Variants in MERTK observed in about 807,000 individuals in gnomAD.
MERTK encodes tyrosine-protein kinase Mer.
MERTK carries 69 observed loss-of-function variants against 99.3 expected under a neutral mutation model. The ratio of observed to expected loss-of-function variants is 0.70; its 90% CI spans 0.57 to 0.85. The LOEUF (loss-of-function observed/expected upper bound fraction) is 0.85, where lower values mean the gene tolerates loss of function less well. Ranked by LOEUF, MERTK falls within the 40% of genes least tolerant of loss-of-function variation. MERTK has a pLI of 0.00. For missense variants in MERTK, 1,125 were observed against 1,249.4 expected (o/e 0.90, Z 1.50); for synonymous variants, 426 against 467.6 (o/e 0.91, Z 1.15).
rs115427711 is a variant in MERTK, at chr2:111,968,012, A to T, written c.845-125A>T. On this transcript the variant is annotated intron_variant, in intron 5 of 18. Transcript: ENST00000295408. ...GCATAGGGAGGCTCCTCTTGAAAAC[A>T]TGTTTCCCTTTACTAATCTCAAGGA... The T allele has an allele frequency of 6.4e-3, 4,724 of 742,948 alleles. 88 individuals are homozygous for T. The highest frequency in any genetic ancestry group is 0.038 in the Admixed American group (1,922 of 50,052). 46.0% of individuals were successfully genotyped at this position (742,948 alleles called of 1,614,324 possible). A position where few individuals can be genotyped will look rare whatever the true frequency, so the allele number is the denominator to read the frequency against.
chr2:112,022,557 T>C (rs1451724145), intron 18 of MERTK, 163 bp downstream of exon 18: 2 of 1,042,546 alleles, frequency 1.9e-6, no homozygotes, highest in South Asian at 1.3e-5. Context: ...CCAGGAGCCA[T>C]TCCTGATGTG....
chr2:112,003,253 T>C, intron 12 of MERTK, 66 bp downstream of exon 12: 1 of 772,356 alleles, frequency 1.3e-6, no homozygotes, highest in Non-Finnish European at 2.3e-6. Flanking sequence ...AATAATTCTT[T>C]AACATATATT....
At chr2:111,938,541 T>C (rs1684804560) in intron 2 of MERTK, among the ~76,000 whole-genome samples, 1 of 152,146 alleles carries the variant, frequency 6.6e-6, no homozygotes, top group South Asian at 2.1e-4. Flanking sequence ...AGACATGCTG[T>C]GTGTGTATAA....
chr2:111,940,024 T>C lies in MERTK; in HGVS notation c.483-4936T>C, dbSNP rs185704134. Among the ~76,000 whole-genome samples, 213 of 152,186 alleles carry C rather than the reference T, an allele frequency of 1.4e-3. 2 individuals carry two copies. The highest frequency in any genetic ancestry group is 4.6e-3 in the African/African-American group (190 of 41,502). On this transcript the variant is annotated intron_variant, in intron 2 of 18. Transcript: ENST00000295408. ...CTCTGGGTCTGGGGTCCAGCTATCT[T>C]TACTACTATTCTGAGGATCCTCTAT... is the stretch of plus-strand genomic sequence containing the variant.
intron 2 of MERTK, among the ~76,000 whole-genome samples, chr2:111,931,215 T>TC (rs1378705998): frequency 6.6e-6 from 1 of 152,078 alleles, no homozygotes; most frequent in African/African-American, 2.4e-5. Flanking sequence ...TTACATTTTT[T>TC]CCCCCAGGTT....
At chr2:111,978,337 T>C (rs1481504521) in intron 7 of MERTK, among the ~76,000 whole-genome samples, 1 of 152,010 alleles carries the variant, frequency 6.6e-6, no homozygotes, top group East Asian at 1.9e-4. Context: ...TTAGTAGAGA[T>C]GGGGTTTCTC....
At position 111,929,116 on chromosome 2, in the gene MERTK, A is replaced by G; in HGVS notation, c.62-4A>G. The G allele has an allele frequency of 6.2e-7, 1 of 1,614,138 alleles. No homozygotes were observed. Among genetic ancestry groups the G allele is most frequent in the Non-Finnish European group, 8.5e-7 (1 of 1,180,022 alleles). ...GGCTAAAATTTGGATGTTCTGTTTT[A>G]CAGCTATCACTGAGGCAAGGGAAGA... On this transcript the variant is annotated splice_region_variant and splice_polypyrimidine_tract_variant and intron_variant, in intron 1 of 18. Transcript: ENST00000295408.
chr2:112,021,325 G>A, intron 16 of MERTK, 97 bp from the exon 17 acceptor site: 1 of 1,566,036 alleles, frequency 6.4e-7, no homozygotes, highest in South Asian at 1.1e-5. Context: ...TGTTCTTTTG[G>A]TCAATTATCA....
intron 4 of MERTK, among the ~76,000 whole-genome samples, chr2:111,956,216 T>A (rs939380941): frequency 1.3e-5 from 2 of 152,158 alleles, no homozygotes; most frequent in African/African-American, 4.8e-5. Context: ...CTTCTGTATA[T>A]AAAATAGGGA....
chr2:112,019,340 C>T (rs763407809), intron 15 of MERTK, 73 bp from the exon 16 acceptor site: 2 of 1,082,070 alleles, frequency 1.8e-6, no homozygotes, highest in African/African-American at 3.1e-5. Flanking sequence ...ATCCTTTCCC[C>T]CCCCGGCAGA....
chr2:111,975,143 G>A (rs1171891197), intron 6 of MERTK, 146 bp from the exon 7 acceptor site: 4 of 794,444 alleles, frequency 5.0e-6, no homozygotes, highest in Non-Finnish European at 8.9e-6. Context: ...GATGCTAGCG[G>A]TAAAATGTGT....
intron 1 of MERTK, among the ~76,000 whole-genome samples, chr2:111,922,283 A>C (rs1422417697): frequency 2.0e-5 from 3 of 152,180 alleles, no homozygotes; most frequent in African/African-American, 7.2e-5. Context: ...TGCTTTCTTT[A>C]GTCACCTCGG....
intron 1 of MERTK, among the ~76,000 whole-genome samples, chr2:111,899,114 T>C (rs976952522): frequency 6.6e-6 from 1 of 152,178 alleles, no homozygotes; most frequent in Admixed American, 6.5e-5. Context: ...GCGCTGCAAG[T>C]CCTGAAGTTC....
In MERTK at chr2:111,997,335, A is replaced by G; in HGVS notation, c.1463A>G (p.Tyr488Cys). 6.2e-7 allele frequency: 1 copy of G among 1,614,128 alleles called. No individual in the cohort carries two copies. The highest frequency in any genetic ancestry group is 8.5e-7 in the Non-Finnish European group (1 of 1,179,976). ...GGTATCTCACCAGGTTGGGTAGATT[A>G]TGCCCCCTCTTCAACTCCGGCGCCT... ...IFIPAHGWVD[Y>C]APSSTPAPGN... is the part of the protein sequence containing the mutation. Residue 488 changes from tyrosine to cysteine, a missense_variant, in exon 10 of 19, where the codon TAT becomes TGT. Transcript: ENST00000295408.
chr2:112,014,056 C>G (rs1473094127), intron 15 of MERTK, among the ~76,000 whole-genome samples: 2 of 145,380 alleles, frequency 1.4e-5, no homozygotes, highest in Non-Finnish European at 3.0e-5. Context: ...GAGTCTCGCT[C>G]TGTCGCCCAG....
At chr2:111,927,059 C>T (rs1229402797) in intron 1 of MERTK, among the ~76,000 whole-genome samples, 1 of 152,126 alleles carries the variant, frequency 6.6e-6, no homozygotes, top group East Asian at 1.9e-4. Context: ...ACCCACATAG[C>T]CCTCCCCTAA....
At chr2:111,979,667 A>G (rs776822554) in intron 7 of MERTK, among the ~76,000 whole-genome samples, 5 of 151,062 alleles carry the variant, frequency 3.3e-5, no homozygotes, top group Non-Finnish European at 5.9e-5. Context: ...TTTTTATTCT[A>G]CCTTCTTGGA....
intron 2 of MERTK, among the ~76,000 whole-genome samples, chr2:111,935,589 C>A (rs899925962): frequency 2.0e-5 from 3 of 151,490 alleles, no homozygotes; most frequent in African/African-American, 7.3e-5. Flanking sequence ...GATTTGGCAT[C>A]ATGCACAAGA....
Position 111,994,371 on chromosome 2 carries a change from A to C in MERTK, c.1417A>C (p.Ser473Arg), listed in dbSNP as rs1473640939. 2 of 1,614,208 alleles carry C rather than the reference A, an allele frequency of 1.2e-6. No homozygotes were observed. The highest frequency in any genetic ancestry group is 1.7e-6 in the Non-Finnish European group (2 of 1,180,040). Residue 473 changes from serine to arginine, a missense_variant, in exon 9 of 19, where the codon AGT (serine) becomes CGT (arginine). By Grantham distance (110) the Ser-to-Arg change is moderately radical. Transcript: ENST00000295408. ...CACCAGAGGGGGAGTTGGGCCCTTCAGTGATCCAGTGAAAATATTTATCCC... is the reference window on the plus strand; with the variant it reads ...CACCAGAGGGGGAGTTGGGCCCTTCCGTGATCCAGTGAAAATATTTATCCC... ...AVTRGGVGPF[S>R]DPVKIFIPAH...
Sources: allele counts gnomAD v4.1 joint callset (sites outside exome capture counted in the v4.1 genomes callset), GRCh38; gene constraint gnomAD v4.1.1; transcripts MANE v1.5; gene names NCBI Gene and HGNC (gene_info 2026-07-23, HGNC 2026-07-21).